Variants in SNX24 observed in about 807,000 individuals in gnomAD.
The protein encoded by SNX24 is sorting nexin-24.
SNX24 carries 22 observed loss-of-function variants against 28.7 expected under a neutral mutation model. That is an observed-to-expected ratio of 0.77 (90% CI 0.55 to 1.10). The LOEUF is 1.10. SNX24 is among the 50% of genes least tolerant of loss of function. The pLI, the probability that SNX24 is intolerant of heterozygous loss-of-function variation, is 0.00. For missense variants in SNX24, 221 were observed against 201.1 expected (o/e 1.10, Z -0.60); for synonymous variants, 69 against 71.5 (o/e 0.96, Z 0.18).
At chr5:122,860,630 CTG>C (rs983824824) in intron 1 of SNX24, among the ~76,000 whole-genome samples, 3 of 152,186 alleles carry the variant, frequency 2.0e-5, no homozygotes, top group African/African-American at 7.2e-5. Flanking sequence ...CAGTCTCGCT[CTG>C]TTGCCCAGGC....
At chr5:122,931,401 T>C (rs1042879089) in intron 1 of SNX24, among the ~76,000 whole-genome samples, 1 of 152,308 alleles carries the variant, frequency 6.6e-6, no homozygotes, top group Middle Eastern at 3.4e-3. Context: ...AATACCTTGC[T>C]AAGTACCTGA....
In SNX24 at chr5:123,020,899, T is replaced by C. The variant is rs114389571; in HGVS notation, n.384-8339T>C. Reference sequence around the variant, plus strand: ...ATTCTGGAAGTCCAATGATGGCTCATTCACATGACTGAGGTCCAGCACCTA... The same window carrying C: ...ATTCTGGAAGTCCAATGATGGCTCACTCACATGACTGAGGTCCAGCACCTA... On this transcript the variant is annotated intron_variant and non_coding_transcript_variant, in intron 5 of 5. Coordinates refer to the SNX24 transcript ENST00000502387. Among the ~76,000 whole-genome samples the C allele has an allele frequency of 8.3e-3, 1,262 of 152,332 alleles. 18 individuals carry two copies. The highest frequency in any genetic ancestry group is 0.029 in the African/African-American group (1,197 of 41,578).
intron 4 of SNX24, 139 bp from the exon 5 acceptor site, chr5:123,001,266 A>C (rs890077359): frequency 1.5e-6 from 1 of 662,496 alleles, no homozygotes; most frequent in Non-Finnish European, 2.7e-6. Flanking sequence ...GCTGTGGCTC[A>C]GTGGAAACTC....
intron 5 of SNX24, among the ~76,000 whole-genome samples, chr5:123,015,964 TA>T (rs1251677634): frequency 6.6e-6 from 1 of 152,122 alleles, no homozygotes; most frequent in African/African-American, 2.4e-5. Context: ...TTAAATGTAA[TA>T]AAAAATATAC....
chr5:122,978,998 T>A (rs754770796), intron 3 of SNX24, among the ~76,000 whole-genome samples: 1 of 152,226 alleles, frequency 6.6e-6, no homozygotes, highest in Non-Finnish European at 1.5e-5. Context: ...TTTAATTCAA[T>A]GAGAATGTAT....
At chr5:122,899,275 T>A (rs1757331091) in intron 1 of SNX24, among the ~76,000 whole-genome samples, 1 of 152,200 alleles carries the variant, frequency 6.6e-6, no homozygotes, top group Non-Finnish European at 1.5e-5. Context: ...AGGGGAGGGT[T>A]GGCATAGGTA....
chr5:122,884,251 C>CTTTTTTTTTT (rs758617172), intron 1 of SNX24, among the ~76,000 whole-genome samples: 7 of 92,744 alleles, frequency 7.5e-5, no homozygotes, highest in Admixed American at 1.5e-4. Flanking sequence ...GTTTCTTTTT[C>CTTTTTTTTTT]TTTTTTTTTT....
chr5:122,860,995 G>T (rs1755434153), intron 1 of SNX24, among the ~76,000 whole-genome samples: 1 of 152,066 alleles, frequency 6.6e-6, no homozygotes, highest in Admixed American at 6.5e-5. Flanking sequence ...CTCAGGTGGG[G>T]TCTTTTTACC....
intron 3 of SNX24, among the ~76,000 whole-genome samples, chr5:122,954,838 G>A (rs759722125): frequency 6.6e-6 from 1 of 152,020 alleles, no homozygotes; most frequent in Non-Finnish European, 1.5e-5. Context: ...TAATTTTGAT[G>A]TGTCTTGGTG....
At chr5:122,987,371 C>A (rs1333560062) in intron 3 of SNX24, among the ~76,000 whole-genome samples, 1 of 152,274 alleles carries the variant, frequency 6.6e-6, no homozygotes, top group East Asian at 1.9e-4. Flanking sequence ...TTGGACCAAG[C>A]AAACTGTTTT....
At chr5:123,017,430 T>G (rs1231957413) in intron 5 of SNX24, among the ~76,000 whole-genome samples, 3 of 96,830 alleles carry the variant, frequency 3.1e-5, no homozygotes, top group Non-Finnish European at 5.4e-5. Context: ...AAAAAGTTGT[T>G]TTTTTTTTTT....
chr5:123,007,718 G>T lies in SNX24; in HGVS notation c.479G>T (p.Gly160Val). 1 of 1,597,720 alleles carries T rather than the reference G, an allele frequency of 6.3e-7. No homozygotes were observed. Among genetic ancestry groups the T allele is most frequent in the South Asian group, 1.2e-5 (1 of 86,268 alleles). The stretch of plus-strand genomic sequence containing the variant: ...GTGGTTATTGAAGGAGTCCTCCATG[G>T]GATATTTTACCCTCATCTACAGCCC... The part of the protein sequence containing the change: ...PNVVIEGVLH[G>V]IFYPHLQPR The change falls in exon 7 of 7, where the codon GGG becomes GTG. Residue 160 changes from glycine to valine, a missense_variant. Transcript: ENST00000261369.
chr5:122,882,848 T>C (rs1339452083), intron 1 of SNX24, among the ~76,000 whole-genome samples: 2 of 152,116 alleles, frequency 1.3e-5, no homozygotes, highest in African/African-American at 4.8e-5. Flanking sequence ...GTTAATTAGG[T>C]CACCCAAGTA....
chr5:122,911,368 A>G (rs1404431087), intron 1 of SNX24, among the ~76,000 whole-genome samples: 2 of 152,162 alleles, frequency 1.3e-5, no homozygotes, highest in East Asian at 3.8e-4. Flanking sequence ...TCTGGATATT[A>G]GCCCTTCGTC....
chr5:122,993,359 C>T (rs902920114), intron 3 of SNX24, among the ~76,000 whole-genome samples: 14 of 143,844 alleles, frequency 9.7e-5, no homozygotes, highest in African/African-American at 2.4e-4. Context: ...GGTGCAGTGG[C>T]GCGATCTCGG....
chr5:122,875,277 T>G (rs1756171926), intron 1 of SNX24, among the ~76,000 whole-genome samples: 1 of 152,178 alleles, frequency 6.6e-6, no homozygotes, highest in African/African-American at 2.4e-5. Flanking sequence ...ATGATATAAT[T>G]TCAACAAATG....
chr5:122,934,609 C>T (rs1759104993), intron 1 of SNX24, among the ~76,000 whole-genome samples: 1 of 152,178 alleles, frequency 6.6e-6, no homozygotes, highest in South Asian at 2.1e-4. Flanking sequence ...CCACCTGCCT[C>T]GGCCTCGCAA....
chr5:123,000,511 C>A (rs969887696), intron 4 of SNX24, among the ~76,000 whole-genome samples: 1 of 152,178 alleles, frequency 6.6e-6, no homozygotes, highest in Non-Finnish European at 1.5e-5. Context: ...CCGAGGCCTT[C>A]CAAGGCAAGC....
intron 3 of SNX24, among the ~76,000 whole-genome samples, chr5:122,988,978 C>A (rs1258480029): frequency 6.6e-6 from 1 of 151,412 alleles, no homozygotes; most frequent in Non-Finnish European, 1.5e-5. Context: ...TTCTTTTTTC[C>A]CCTAAGTGTT....
Sources: gnomAD v4.1 joint callset for allele counts (sites outside exome capture counted in the v4.1 genomes callset) on GRCh38, gnomAD v4.1.1 for gene constraint, MANE v1.5 for transcripts, NCBI Gene and HGNC (gene_info 2026-07-23, HGNC 2026-07-21) for gene names.